The following ZFAT variants were observed in gnomAD, a reference collection of about 807,000 sequenced individuals.
ZFAT encodes the protein zinc finger protein ZFAT.
ZFAT carries 64 observed loss-of-function variants against 117.7 expected under a neutral mutation model. The observed-to-expected ratio is 0.54, with a 90% CI of 0.44 to 0.67. The LOEUF is 0.67. ZFAT is among the 30% of genes least tolerant of loss of function. ZFAT has a pLI of 0.00. For missense variants in ZFAT, 1,433 were observed against 1,584.5 expected (o/e 0.90, Z 1.62); for synonymous variants, 679 against 615.0 (o/e 1.10, Z -1.54).
At chr8:134,782,846 T>G in the ZFAT span, among the ~76,000 whole-genome samples, 1 of 152,120 alleles carries the variant, frequency 6.6e-6, no homozygotes, top group East Asian at 1.9e-4. Flanking sequence ...AATGGACTAA[T>G]ACACCCTGCA....
chr8:134,484,471 A>T (rs1401360695), intron 15 of ZFAT, among the ~76,000 whole-genome samples: 1 of 152,164 alleles, frequency 6.6e-6, no homozygotes, highest in East Asian at 1.9e-4. Flanking sequence ...GATGATCTGA[A>T]AGTAGGGAAG....
At chr8:134,546,415 T>C (rs909349661) in intron 11 of ZFAT, among the ~76,000 whole-genome samples, 1 of 152,092 alleles carries the variant, frequency 6.6e-6, no homozygotes, top group Non-Finnish European at 1.5e-5. Context: ...GGAGTGGCCA[T>C]CAATCCCCTA....
chr8:134,545,536 T>A (rs576667100), intron 11 of ZFAT, among the ~76,000 whole-genome samples: 1 of 152,316 alleles, frequency 6.6e-6, no homozygotes, highest in South Asian at 2.1e-4. Context: ...TAGAGATGCA[T>A]ACGTGGTTGG....
At chr8:134,626,457 C>G (rs548971990) in intron 3 of ZFAT, among the ~76,000 whole-genome samples, 2 of 152,334 alleles carry the variant, frequency 1.3e-5, no homozygotes, top group East Asian at 3.9e-4. Flanking sequence ...GAATGGTGCC[C>G]TGCCCCAGTG....
Position 134,539,324 on chromosome 8 carries a change from G to A in ZFAT, c.2977-6352C>T, listed in dbSNP as rs145379609. Among the ~76,000 whole-genome samples the A allele has an allele frequency of 6.1e-4, 93 of 152,284 alleles. 1 individual carries two copies. Among genetic ancestry groups the A allele is most frequent in the Admixed American group, 3.7e-3 (56 of 15,292 alleles). On this transcript the variant is annotated intron_variant, in intron 11 of 15. Coordinates refer to ENST00000377838, the MANE Select transcript of ZFAT (RefSeq NM_020863.4). ...GGAGTTGCTCTGTTGGCTCCTATTC[G>A]CAGCAAGCAAGAAGGCTGTCATCAG...
chr8:134,687,601 G>A (rs949465848), intron 1 of ZFAT, among the ~76,000 whole-genome samples: 4 of 151,994 alleles, frequency 2.6e-5, no homozygotes, highest in African/African-American at 2.4e-5. Flanking sequence ...TGTGGGAAGC[G>A]CTGAGGGTAC....
intron 11 of ZFAT, among the ~76,000 whole-genome samples, chr8:134,544,404 T>TAAC (rs1318257442): frequency 1.3e-5 from 2 of 151,754 alleles, no homozygotes; most frequent in Admixed American, 6.6e-5. Context: ...CAAACCCTCC[T>TAAC]AACAACAACA....
At chr8:134,759,981 A>AAC in the ZFAT span, among the ~76,000 whole-genome samples, 12 of 148,928 alleles carry the variant, frequency 8.1e-5, no homozygotes, top group Non-Finnish European at 1.3e-4. Flanking sequence ...AAAAAAAAAA[A>AAC]AAAAAAAAAC....
intron 1 of ZFAT, among the ~76,000 whole-genome samples, chr8:134,700,375 A>G (rs1486827478): frequency 6.6e-6 from 1 of 152,152 alleles, no homozygotes; most frequent in East Asian, 1.9e-4. Context: ...GAGGAGAGAA[A>G]GGCAGGCTAG....
At chr8:134,675,271 G>A (rs1013541986) in intron 1 of ZFAT, among the ~76,000 whole-genome samples, 5 of 152,116 alleles carry the variant, frequency 3.3e-5, no homozygotes, top group African/African-American at 4.8e-5. Flanking sequence ...TGACCTGATG[G>A]AGCTGAAAAA....
chr8:134,768,320 C>A, the ZFAT span, among the ~76,000 whole-genome samples: 7 of 152,194 alleles, frequency 4.6e-5, no homozygotes, highest in African/African-American at 1.7e-4. Flanking sequence ...AAAACAGACT[C>A]TTATAAGACA....
chr8:134,610,805 C>T (rs1264134470), intron 3 of ZFAT, 150 bp from the exon 4 acceptor site: 16 of 845,650 alleles, frequency 1.9e-5, no homozygotes, highest in Admixed American at 5.6e-5. Context: ...GTAGGTACCA[C>T]GGTGGCTCTT....
intron 11 of ZFAT, among the ~76,000 whole-genome samples, chr8:134,556,336 G>A (rs1333669233): frequency 1.3e-5 from 2 of 152,024 alleles, no homozygotes; most frequent in Non-Finnish European, 2.9e-5. Flanking sequence ...TCACATATAT[G>A]TATTAATACA....
chr8:134,719,404 G>A, the ZFAT span, among the ~76,000 whole-genome samples: 8 of 152,174 alleles, frequency 5.3e-5, no homozygotes, highest in African/African-American at 1.9e-4. Flanking sequence ...GGGTGGGGGC[G>A]AATCAAGTGG....
At chr8:134,721,013 C>T in the ZFAT span, among the ~76,000 whole-genome samples, 6 of 152,292 alleles carry the variant, frequency 3.9e-5, no homozygotes, top group South Asian at 6.2e-4. Flanking sequence ...TGTGAGACCA[C>T]GCGGCAAGCT....
intron 5 of ZFAT, among the ~76,000 whole-genome samples, chr8:134,604,316 T>C (rs924733357): frequency 2.0e-5 from 3 of 152,218 alleles, no homozygotes; most frequent in African/African-American, 7.2e-5. Flanking sequence ...CTCTAGAGCC[T>C]ACACGTGCAT....
chr8:134,657,548 C>T lies in ZFAT; in HGVS notation c.196+13G>A. ...GTCAGAAGGTATCCTGCCCCACCCC[C>T]CAGCCCCCTTACCATCTCCGGTTTT... On this transcript the variant is annotated intron_variant, in intron 2 of 15. Coordinates refer to ENST00000377838, the MANE Select transcript of ZFAT (RefSeq NM_020863.4). The T allele has an allele frequency of 6.2e-7, 1 of 1,602,930 alleles. No individual in the cohort carries two copies. Among genetic ancestry groups the T allele is most frequent in the South Asian group, 1.1e-5 (1 of 90,110 alleles).
intron 10 of ZFAT, among the ~76,000 whole-genome samples, chr8:134,568,839 C>T (rs1824666664): frequency 6.6e-6 from 1 of 152,180 alleles, no homozygotes; most frequent in Non-Finnish European, 1.5e-5. Flanking sequence ...GATGCAGATT[C>T]ATGACTAATC....
At chr8:134,562,679 C>T (rs1824135489) in intron 11 of ZFAT, among the ~76,000 whole-genome samples, 1 of 152,180 alleles carries the variant, frequency 6.6e-6, no homozygotes, top group Admixed American at 6.5e-5. Context: ...CCAGCCATGA[C>T]CCCAGGTCCA....
Sources: allele counts gnomAD v4.1 joint callset (sites outside exome capture counted in the v4.1 genomes callset), GRCh38; gene constraint gnomAD v4.1.1; transcripts MANE v1.5; gene names NCBI Gene and HGNC (gene_info 2026-07-23, HGNC 2026-07-21).